The following TMEM87B variants were observed in gnomAD, a reference collection of about 807,000 sequenced individuals.
The protein encoded by TMEM87B is transmembrane protein 87B.
Under a neutral mutation model 80.3 loss-of-function variants are expected in TMEM87B, and 83 were observed. The ratio of observed to expected loss-of-function variants is 1.03; its 90% CI spans 0.87 to 1.24. The LOEUF (loss-of-function observed/expected upper bound fraction) is 1.24. TMEM87B is among the 50% of genes most tolerant of loss of function. The probability of loss-of-function intolerance (pLI) is 0.00; values close to 1 mark genes in which losing one functional copy is unlikely to be tolerated. For synonymous variants in TMEM87B, 219 were observed against 230.5 expected, an observed-to-expected ratio of 0.95 and a Z score of 0.45; for missense variants, 625 against 674.4, an observed-to-expected ratio of 0.93 and a Z score of 0.81.
chr2:112,105,794 C>G, intron 15 of TMEM87B: 1 of 403,940 alleles, frequency 2.5e-6, no homozygotes, highest in Non-Finnish European at 4.3e-6. Flanking sequence ...CCTGGTGGTT[C>G]TGACAAATAG....
intron 1 of TMEM87B, among the ~76,000 whole-genome samples, chr2:112,056,870 C>T (rs1453844424): frequency 1.3e-5 from 2 of 152,148 alleles, no homozygotes; most frequent in African/African-American, 2.4e-5. Flanking sequence ...ATTTAATTTC[C>T]TGAACGGGAA....
At position 112,116,453 on chromosome 2, in the gene TMEM87B, G is replaced by T; in HGVS notation, c.*310G>T. ...GGTTTGGGTTCTCCCTCTTTTCTCT[G>T]GAACATATGACAATTCCAGATTAAA... On this transcript the variant is annotated 3_prime_UTR_variant, in exon 19 of 19. Coordinates refer to ENST00000283206, the MANE Select transcript of TMEM87B (RefSeq NM_032824.3). 1 of 230,352 alleles carries T rather than the reference G, an allele frequency of 4.3e-6. No homozygotes were observed. Among genetic ancestry groups the T allele is most frequent in the Non-Finnish European group, 8.3e-6 (1 of 119,968 alleles). 14.3% of individuals were successfully genotyped at this position (230,352 alleles called of 1,614,324 possible). A position where few individuals can be genotyped will look rare whatever the true frequency, so the allele number is the denominator to read the frequency against.
intron 16 of TMEM87B, 144 bp downstream of exon 16, chr2:112,106,219 G>A (rs150595056): frequency 2.8e-5 from 15 of 543,076 alleles, no homozygotes; most frequent in Non-Finnish European, 4.6e-5. Flanking sequence ...AATTAGTGTT[G>A]CCAAGTGCCA....
intron 1 of TMEM87B, among the ~76,000 whole-genome samples, chr2:112,056,597 C>G (rs1209799052): frequency 6.6e-6 from 1 of 152,166 alleles, no homozygotes; most frequent in African/African-American, 2.4e-5. Context: ...TCATCCAGCA[C>G]TGTTTGGGAT....
At chr2:112,093,108 A>C (rs1412666156) in intron 11 of TMEM87B, among the ~76,000 whole-genome samples, 3 of 152,078 alleles carry the variant, frequency 2.0e-5, no homozygotes, top group Non-Finnish European at 4.4e-5. Context: ...GAGGGCTTGG[A>C]TCTCATCACT....
intron 14 of TMEM87B, among the ~76,000 whole-genome samples, chr2:112,099,516 A>G (rs1679565884): frequency 7.6e-6 from 1 of 131,388 alleles, no homozygotes; most frequent in South Asian, 2.4e-4. Flanking sequence ...TTAAAATTAT[A>G]CAATAATACA....
At chr2:112,086,796 A>G (rs986309552) in intron 9 of TMEM87B, among the ~76,000 whole-genome samples, 1 of 152,116 alleles carries the variant, frequency 6.6e-6, no homozygotes, top group African/African-American at 2.4e-5. Flanking sequence ...TCAGAAGGCC[A>G]TGGGGTCTCA....
Position 112,058,917 on chromosome 2 carries a change from T to C in TMEM87B, c.166-1060T>C, listed in dbSNP as rs1175010844. On this transcript the variant is annotated intron_variant, in intron 1 of 18. Coordinates refer to ENST00000283206, the MANE Select transcript of TMEM87B (RefSeq NM_032824.3). ...GAGCCATGGCTTGGGTGACTGTAGA[T>C]GGTACCACCTCCAGCCAAGGTGGAC... 4.6e-5 allele frequency among the ~76,000 whole-genome samples: 7 copies of C among 152,320 alleles called. No individual in the cohort carries two copies. The East Asian group carries it at 1.4e-3, about 29-fold the overall frequency.
At chr2:112,065,643 CAAAAA>C (rs58619427) in intron 3 of TMEM87B, among the ~76,000 whole-genome samples, 3 of 75,350 alleles carry the variant, frequency 4.0e-5, no homozygotes, top group Non-Finnish European at 8.2e-5. Context: ...ACCTTGTCTT[CAAAAA>C]AAAAAAAAAA....
chr2:112,063,803 A>G (rs551931999), intron 2 of TMEM87B, among the ~76,000 whole-genome samples: 1 of 152,316 alleles, frequency 6.6e-6, no homozygotes, highest in African/African-American at 2.4e-5. Flanking sequence ...CTTGTTTACC[A>G]TCATAGCTCA....
At chr2:112,090,104 C>T (rs1293673924) in intron 10 of TMEM87B, among the ~76,000 whole-genome samples, 1 of 152,192 alleles carries the variant, frequency 6.6e-6, no homozygotes, top group Non-Finnish European at 1.5e-5. Flanking sequence ...TTCAGGTATA[C>T]ATACAGTACA....
chr2:112,105,912 A>G (rs1008316298), intron 15 of TMEM87B, 90 bp from the exon 16 acceptor site: 78 of 895,322 alleles, frequency 8.7e-5, no homozygotes, highest in Non-Finnish European at 1.2e-4. Flanking sequence ...TTCTAAAAAG[A>G]TATAGTATTT....
At chr2:112,097,464 C>T (rs1416292454) in intron 13 of TMEM87B, among the ~76,000 whole-genome samples, 173 bp downstream of exon 13, 2 of 152,096 alleles carry the variant, frequency 1.3e-5, no homozygotes, top group African/African-American at 2.4e-5. Flanking sequence ...CGGTGGCTCA[C>T]GCCTGTAATC....
At chr2:112,107,913 G>T (rs1241391515) in intron 17 of TMEM87B, 73 bp downstream of exon 17, 2 of 1,053,484 alleles carry the variant, frequency 1.9e-6, no homozygotes, top group African/African-American at 1.6e-5. Flanking sequence ...CTCATCCTTT[G>T]TCATGTGCTT....
intron 15 of TMEM87B, among the ~76,000 whole-genome samples, chr2:112,102,732 A>G (rs1679663432): frequency 6.6e-6 from 1 of 152,048 alleles, no homozygotes; most frequent in Admixed American, 6.6e-5. Context: ...AATAGTACAA[A>G]TAAAAGAAGA....
intron 10 of TMEM87B, among the ~76,000 whole-genome samples, chr2:112,090,283 T>C (rs1482640634): frequency 6.6e-6 from 1 of 152,194 alleles, no homozygotes; most frequent in Non-Finnish European, 1.5e-5. Flanking sequence ...TCTAGAGAAG[T>C]ATCAGTATTT....
At chr2:112,076,842 T>TGTG (rs1678831446) in intron 5 of TMEM87B, among the ~76,000 whole-genome samples, 8 of 139,264 alleles carry the variant, frequency 5.7e-5, no homozygotes, top group Non-Finnish European at 9.2e-5. Flanking sequence ...CTTTTCTGTT[T>TGTG]TGTGTGTGTG....
intron 17 of TMEM87B, among the ~76,000 whole-genome samples, chr2:112,111,484 C>T (rs1679914952): frequency 6.6e-6 from 1 of 152,152 alleles, no homozygotes; most frequent in Non-Finnish European, 1.5e-5. Flanking sequence ...TATTTGATGT[C>T]TTCATGAACC....
chr2:112,076,810 A>G (rs1387880637), intron 5 of TMEM87B, among the ~76,000 whole-genome samples: 3 of 151,294 alleles, frequency 2.0e-5, no homozygotes, highest in African/African-American at 7.3e-5. Flanking sequence ...AGAAATAGCT[A>G]TCTTTCCACT....
Sources: allele counts gnomAD v4.1 joint callset (sites outside exome capture counted in the v4.1 genomes callset), GRCh38; gene constraint gnomAD v4.1.1; transcripts MANE v1.5; gene names NCBI Gene and HGNC (gene_info 2026-07-23, HGNC 2026-07-21).